TMEM30A: variants seen among roughly 807,000 people sequenced by gnomAD.
TMEM30A encodes the protein cell division cycle 50 P4-ATPase accessory subunit A.
Under a neutral mutation model 38.2 loss-of-function variants are expected in TMEM30A, and 24 were observed. The observed-to-expected ratio is 0.63, with a 90% confidence interval of 0.46 to 0.88. TMEM30A has a LOEUF of 0.88. Ranked by LOEUF, TMEM30A falls within the 40% of genes least tolerant of loss-of-function variation. TMEM30A has a pLI of 0.00. For synonymous variants in TMEM30A, 145 were observed against 161.6 expected (o/e 0.90, Z 0.78); for missense variants, 370 against 458.6 (o/e 0.81, Z 1.77).
chr6:75,273,001 T>C (rs1582283208), intron 1 of TMEM30A: 1 of 152,398 alleles, frequency 6.6e-6, no homozygotes, highest in Non-Finnish European at 1.5e-5. Flanking sequence ...GTCACAGTAG[T>C]AGTCTAGCAA....
At position 75,254,317 on chromosome 6, in the gene TMEM30A, C is replaced by G. The variant is rs947957905; in HGVS notation, c.*1785G>C. 2 of 152,016 alleles carry G rather than the reference C, an allele frequency of 1.3e-5. No homozygotes were observed. Among genetic ancestry groups the G allele is most frequent in the African/African-American group, 4.8e-5 (2 of 41,426 alleles). The allele number at this position is 152,016 out of a possible 1,614,324, so 9.4% of individuals were successfully genotyped here. A position where few individuals can be genotyped will look rare whatever the true frequency, so the allele number is the denominator to read the frequency against. ...AAAGAGTGGCAGAAACCCCTCTCCC[C>G]CAACAATGTATCCCCGAAAATAAAC... On this transcript the variant is annotated 3_prime_UTR_variant, in exon 7 of 7. Transcript: ENST00000230461.
chr6:75,284,362 C>T (rs753671352), intron 1 of TMEM30A, 40 bp downstream of exon 1: 1 of 1,595,050 alleles, frequency 6.3e-7, no homozygotes, highest in Non-Finnish European at 8.6e-7. Flanking sequence ...GACCCTCCTC[C>T]CGAGCAACGC....
rs1004825926 is a variant in TMEM30A at position 75,265,211 on chromosome 6, A to G, written c.453+20T>C. ...CTTATTTTACAGATATCATATTTTC[A>G]TATTTATCATTTTACTTACAAGCAA... On this transcript the variant is annotated intron_variant, in intron 3 of 6. Coordinates refer to ENST00000230461, the MANE Select transcript of TMEM30A (RefSeq NM_018247.4). 6 of 1,406,182 alleles carry G rather than the reference A, an allele frequency of 4.3e-6. No individual in the cohort carries two copies. The Admixed American group carries it at 7.3e-5, about 17-fold the overall frequency. 87.1% of individuals were successfully genotyped at this position (1,406,182 alleles called of 1,614,324 possible).
At chr6:75,274,245 T>C (rs1427914394) in intron 1 of TMEM30A, among the ~76,000 whole-genome samples, 1 of 152,158 alleles carries the variant, frequency 6.6e-6, no homozygotes, top group East Asian at 1.9e-4. Context: ...ACTATAGTAG[T>C]TTGCCATGAC....
chr6:75,267,581 G>T, intron 2 of TMEM30A, 60 bp downstream of exon 2: 1 of 1,200,346 alleles, frequency 8.3e-7, no homozygotes, highest in Non-Finnish European at 1.2e-6. Flanking sequence ...AAGACATTTA[G>T]TACAGTATCA....
intron 3 of TMEM30A, among the ~76,000 whole-genome samples, chr6:75,262,640 G>A (rs988879382): frequency 1.0e-3 from 48 of 47,644 alleles, no homozygotes; most frequent in African/African-American, 1.5e-3. Flanking sequence ...GTGAGACTCC[G>A]TCTCAAAAAA....
chr6:75,256,357 A>T (rs1310666584), intron 6 of TMEM30A, 62 bp from the exon 7 acceptor site: 9 of 1,450,592 alleles, frequency 6.2e-6, no homozygotes, highest in Middle Eastern at 1.8e-4. Context: ...ATACAATTTT[A>T]AAAGTTGCCA....
intron 1 of TMEM30A, among the ~76,000 whole-genome samples, chr6:75,274,748 G>A (rs1408038880): frequency 2.0e-5 from 3 of 151,920 alleles, no homozygotes; most frequent in African/African-American, 7.3e-5. Context: ...CTCAGGCCGG[G>A]CGCGGTGGCT....
intron 1 of TMEM30A, among the ~76,000 whole-genome samples, chr6:75,271,249 T>A (rs964551365): frequency 5.9e-5 from 9 of 152,306 alleles, no homozygotes; most frequent in African/African-American, 2.2e-4. Context: ...GAAATCATAT[T>A]CTTTTTTTAA....
intron 3 of TMEM30A, among the ~76,000 whole-genome samples, chr6:75,263,134 T>C (rs932379358): frequency 6.6e-6 from 1 of 151,516 alleles, no homozygotes; most frequent in Non-Finnish European, 1.5e-5. Context: ...AGTTAAGACA[T>C]AAAAAAAAGA....
chr6:75,261,868 C>G (rs1771970034), intron 3 of TMEM30A, among the ~76,000 whole-genome samples: 1 of 152,086 alleles, frequency 6.6e-6, no homozygotes, highest in South Asian at 2.1e-4. Context: ...CAATATTTGA[C>G]TTCTCAGCTT....
intron 2 of TMEM30A, among the ~76,000 whole-genome samples, chr6:75,267,115 T>C (rs1772082563): frequency 6.6e-6 from 1 of 152,168 alleles, no homozygotes; most frequent in Admixed American, 6.5e-5. Context: ...TAGCATGTAT[T>C]CAGAATGGCA....
chr6:75,280,475 T>C (rs1392714578), intron 1 of TMEM30A, among the ~76,000 whole-genome samples: 2 of 152,122 alleles, frequency 1.3e-5, no homozygotes, highest in Non-Finnish European at 2.9e-5. Flanking sequence ...CAATAATATG[T>C]ACAATTTTTT....
chr6:75,265,840 G>A (rs932155997), intron 2 of TMEM30A, among the ~76,000 whole-genome samples: 1 of 152,000 alleles, frequency 6.6e-6, no homozygotes, highest in Non-Finnish European at 1.5e-5. Flanking sequence ...TGCACTACAG[G>A]TCTGTAGCAC....
chr6:75,260,279 G>A lies in TMEM30A; in HGVS notation c.541+545C>T, dbSNP rs79424517. 7.8e-3 allele frequency among the ~76,000 whole-genome samples: 1,191 copies of A among 152,116 alleles called. 15 individuals are homozygous for A. The highest frequency in any genetic ancestry group is 0.027 in the African/African-American group (1,138 of 41,496). On this transcript the variant is annotated intron_variant, in intron 4 of 6. Coordinates refer to ENST00000230461, the MANE Select transcript of TMEM30A (RefSeq NM_018247.4). ...AAAATAGCCAGGCGTGGTTGCGGGC[G>A]CCTGTAATCCCAGTTACAGGGGAAG...
At chr6:75,276,158 T>C (rs950132392) in intron 1 of TMEM30A, among the ~76,000 whole-genome samples, 1 of 152,212 alleles carries the variant, frequency 6.6e-6, no homozygotes, top group Non-Finnish European at 1.5e-5. Context: ...AGTGAGCACA[T>C]GGAAGCTCTG....
chr6:75,260,703 G>A (rs531822770), intron 4 of TMEM30A, 121 bp downstream of exon 4: 3 of 514,466 alleles, frequency 5.8e-6, no homozygotes, highest in Admixed American at 3.9e-5. Context: ...TTCAATACTC[G>A]ATTTAGTCTT....
intron 1 of TMEM30A, among the ~76,000 whole-genome samples, chr6:75,283,466 T>C (rs73451789): frequency 0.041 from 6,250 of 151,274 alleles, 425 homozygotes; most frequent in African/African-American, 0.14. Flanking sequence ...ACCTATAGAG[T>C]ATATATTAAT....
chr6:75,257,983 T>C (rs984476732), intron 6 of TMEM30A, among the ~76,000 whole-genome samples: 7 of 152,200 alleles, frequency 4.6e-5, no homozygotes, highest in Non-Finnish European at 8.8e-5. Context: ...AGTATTTCCC[T>C]CCTAAAAAAG....
Sources: gnomAD v4.1 joint callset for allele counts (sites outside exome capture counted in the v4.1 genomes callset) on GRCh38, gnomAD v4.1.1 for gene constraint, MANE v1.5 for transcripts, NCBI Gene and HGNC (gene_info 2026-07-23, HGNC 2026-07-21) for gene names.